Variants in EPB41L4A observed in about 807,000 individuals in gnomAD.
EPB41L4A encodes erythrocyte membrane protein band 4.1 like 4A, also known as band 4.1-like protein 4A.
EPB41L4A carries 100 observed loss-of-function variants against 108.6 expected under a neutral mutation model. That is an observed-to-expected ratio of 0.92 (90% confidence interval 0.78 to 1.09). The LOEUF is 1.09. Among genes scored for constraint, EPB41L4A ranks in the 50% least tolerant of loss-of-function variants. EPB41L4A has a pLI of 0.00. For missense variants in EPB41L4A, 1,030 were observed against 842.7 expected, an observed-to-expected ratio of 1.22 and a Z score of -2.75; for synonymous variants, 319 against 289.0, an observed-to-expected ratio of 1.10 and a Z score of -1.05.
intron 1 of EPB41L4A, among the ~76,000 whole-genome samples, chr5:112,358,479 G>A (rs62365250): frequency 0.066 from 10,107 of 152,190 alleles, 409 homozygotes; most frequent in Middle Eastern, 0.099. Context: ...TGATTATTAG[G>A]AAATCTAGAA....
chr5:112,272,904 T>C (rs1218328257), intron 4 of EPB41L4A, among the ~76,000 whole-genome samples: 1 of 151,918 alleles, frequency 6.6e-6, no homozygotes, highest in African/African-American at 2.4e-5. Context: ...GATAGCATGA[T>C]CATTCATACC....
chr5:112,253,157 G>A (rs913332847), intron 9 of EPB41L4A, among the ~76,000 whole-genome samples: 1 of 152,198 alleles, frequency 6.6e-6, no homozygotes, highest in Non-Finnish European at 1.5e-5. Flanking sequence ...TTGCAAGAGA[G>A]AAGCAGGAAT....
chr5:112,197,054 G>C (rs1387912229), intron 15 of EPB41L4A: 1 of 152,152 alleles, frequency 6.6e-6, no homozygotes. Context: ...CCCTCCACCA[G>C]TGCTTTGTGG....
At chr5:112,142,423 G>A (rs1196300245), downstream of EPB41L4A, 1 of 152,168 alleles carries the variant, frequency 6.6e-6, no homozygotes, top group African/African-American at 2.4e-5. Context: ...TAATTCAAAT[G>A]ATACTGTGCT....
Position 112,146,444 on chromosome 5 carries a change from AG to A in EPB41L4A, n.995-447del, listed in dbSNP as rs1759261468. Among the ~76,000 whole-genome samples, 4 of 152,202 alleles carry A rather than the reference AG, an allele frequency of 2.6e-5. No homozygotes were observed. The South Asian group carries it at 8.3e-4, about 31-fold the overall frequency. On this transcript the variant is annotated intron_variant and non_coding_transcript_variant, in intron 12 of 13. Coordinates refer to the EPB41L4A transcript ENST00000507810. Reference sequence around the variant, plus strand: ...GTAATTCTGTGTCCCACAGGAGCAGAGGATCTTCCAACGCTGTTTGCGCTCC... The same window carrying A: ...GTAATTCTGTGTCCCACAGGAGCAGAGATCTTCCAACGCTGTTTGCGCTCC...
chr5:112,200,862 G>C (rs527656079), intron 15 of EPB41L4A, among the ~76,000 whole-genome samples: 1 of 152,060 alleles, frequency 6.6e-6, no homozygotes, highest in Non-Finnish European at 1.5e-5. Context: ...TTCTGGACTC[G>C]GCCAGAATTT....
intron 1 of EPB41L4A, among the ~76,000 whole-genome samples, chr5:112,370,024 C>T (rs762490304): frequency 3.2e-4 from 48 of 152,078 alleles, no homozygotes; most frequent in Admixed American, 7.2e-4. Flanking sequence ...CCAAAAAGTA[C>T]TCAGTTGGTT....
intron 15 of EPB41L4A, among the ~76,000 whole-genome samples, chr5:112,198,822 AT>A (rs1337848674): frequency 6.6e-6 from 1 of 151,240 alleles, no homozygotes; most frequent in African/African-American, 2.4e-5. Flanking sequence ...ATTGATAGAA[AT>A]TCATGGTTAT....
intron 17 of EPB41L4A, among the ~76,000 whole-genome samples, chr5:112,192,459 A>G (rs1353414977): frequency 6.6e-6 from 1 of 152,194 alleles, no homozygotes; most frequent in African/African-American, 2.4e-5. Context: ...ATGATTGTGA[A>G]GGCCTGTTGG....
chr5:112,284,376 T>C (rs1432071430), intron 2 of EPB41L4A, among the ~76,000 whole-genome samples: 1 of 152,274 alleles, frequency 6.6e-6, no homozygotes, highest in South Asian at 2.1e-4. Context: ...GGGTCCAATG[T>C]TGATTCAGAG....
chr5:112,361,880 T>A (rs1211499471), intron 1 of EPB41L4A, among the ~76,000 whole-genome samples: 1 of 152,116 alleles, frequency 6.6e-6, no homozygotes, highest in Non-Finnish European at 1.5e-5. Context: ...AGCAAGACCC[T>A]GTCTCAAATA....
At chr5:112,410,391 C>A (rs1167643025) in intron 1 of EPB41L4A, among the ~76,000 whole-genome samples, 1 of 152,166 alleles carries the variant, frequency 6.6e-6, no homozygotes, top group Non-Finnish European at 1.5e-5. Flanking sequence ...GTGGTTAATG[C>A]TGGAAGCAGG....
At position 112,164,721 on chromosome 5, in the gene EPB41L4A, G is replaced by A. The variant is rs998330742; in HGVS notation, c.*269C>T. ...GTTGTGGTGCACGCCTGTAATCCCA[G>A]CTGCTCGGGAGCCTGAGACAGGAGA... On this transcript the variant is annotated 3_prime_UTR_variant, in exon 23 of 23. Coordinates refer to ENST00000261486, the MANE Select transcript of EPB41L4A (RefSeq NM_022140.5). The A allele has an allele frequency of 3.1e-5, 7 of 228,440 alleles. No individual in the cohort carries two copies. Among genetic ancestry groups the A allele is most frequent in the Admixed American group, 2.8e-4 (5 of 17,546 alleles). 14.2% of individuals were successfully genotyped at this position (228,440 alleles called of 1,614,324 possible). A position where few individuals can be genotyped will look rare whatever the true frequency, so the allele number is the denominator to read the frequency against.
chr5:112,388,415 G>T (rs1456948091), intron 1 of EPB41L4A, among the ~76,000 whole-genome samples: 2 of 152,158 alleles, frequency 1.3e-5, no homozygotes, highest in African/African-American at 2.4e-5. Context: ...ATCTGACTCA[G>T]CTAATGGAGG....
Position 112,146,252 on chromosome 5 carries a change from C to T in EPB41L4A, n.995-254G>A, listed in dbSNP as rs575386985. On this transcript the variant is annotated intron_variant and non_coding_transcript_variant, in intron 12 of 13. Transcript: ENST00000507810. ...CTCACCATGATTTCTGGGAAGGTTT[C>T]ATATTCTCAATTTCAAGTTCAGAAA... Among the ~76,000 whole-genome samples the T allele has an allele frequency of 7.2e-5, 11 of 152,300 alleles. No individual in the cohort carries two copies. In the South Asian group the frequency reaches 1.9e-3, roughly 26 times the overall value.
chr5:112,236,402 T>G (rs1340796728), intron 11 of EPB41L4A, among the ~76,000 whole-genome samples: 1 of 152,232 alleles, frequency 6.6e-6, no homozygotes, highest in Non-Finnish European at 1.5e-5. Flanking sequence ...AGCAAAGCTC[T>G]GCCTTTCCCC....
At chr5:112,285,022 C>T (rs1204291591) in intron 2 of EPB41L4A, among the ~76,000 whole-genome samples, 1 of 152,114 alleles carries the variant, frequency 6.6e-6, no homozygotes, top group African/African-American at 2.4e-5. Flanking sequence ...GGGGTCCAAC[C>T]TTTCATTTGT....
At chr5:112,295,104 A>T (rs1753908234) in intron 2 of EPB41L4A, among the ~76,000 whole-genome samples, 1 of 152,228 alleles carries the variant, frequency 6.6e-6, no homozygotes, top group Non-Finnish European at 1.5e-5. Flanking sequence ...TCCTGTTTAC[A>T]CCAGTGGTCC....
chr5:112,293,453 C>T (rs887949583), intron 2 of EPB41L4A, among the ~76,000 whole-genome samples: 1 of 152,144 alleles, frequency 6.6e-6, no homozygotes, highest in Admixed American at 6.5e-5. Flanking sequence ...GAATTCAGCC[C>T]TTCACCTCCC....
Sources: allele counts gnomAD v4.1 joint callset (sites outside exome capture counted in the v4.1 genomes callset), GRCh38; gene constraint gnomAD v4.1.1; transcripts MANE v1.5; gene names NCBI Gene and HGNC (gene_info 2026-07-23, HGNC 2026-07-21).